The following KALRN variants were observed in gnomAD, a reference collection of about 807,000 sequenced individuals.
KALRN encodes the protein kalirin.
Under a neutral mutation model 353.7 loss-of-function variants are expected in KALRN, and 70 were observed. That is an observed-to-expected ratio of 0.20 (90% CI 0.16 to 0.24). The LOEUF (loss-of-function observed/expected upper bound fraction) is 0.24, where lower values mean the gene tolerates loss of function less well. Ranked by LOEUF, KALRN falls within the 10% of genes least tolerant of loss-of-function variation. The pLI is 1.00. For synonymous variants in KALRN, 1,391 were observed against 1,434.8 expected (o/e 0.97, Z 0.69); for missense variants, 2,791 against 3,756.7 (o/e 0.74, Z 6.72).
chr3:124,431,087 T>C (rs969009151), intron 16 of KALRN, among the ~76,000 whole-genome samples: 2 of 152,254 alleles, frequency 1.3e-5, no homozygotes. Context: ...ATATGTACCA[T>C]GTGAGGAAAT....
At chr3:124,304,499 G>T (rs140853960) in intron 6 of KALRN, among the ~76,000 whole-genome samples, 3 of 152,258 alleles carry the variant, frequency 2.0e-5, no homozygotes, top group African/African-American at 4.8e-5. Context: ...CTTTCTAAAA[G>T]AAAACATTAT....
At chr3:124,105,684 A>G (rs1055259633) in intron 1 of KALRN, among the ~76,000 whole-genome samples, 25 of 152,152 alleles carry the variant, frequency 1.6e-4, no homozygotes, top group African/African-American at 5.6e-4. Context: ...TTGTTTCAGC[A>G]CCTCAATGAG....
chr3:124,543,773 G>C (rs1399890078), intron 33 of KALRN, among the ~76,000 whole-genome samples: 1 of 151,950 alleles, frequency 6.6e-6, no homozygotes, highest in Non-Finnish European at 1.5e-5. Flanking sequence ...GTCTTCTCAG[G>C]ATAATATTGA....
intron 33 of KALRN, among the ~76,000 whole-genome samples, chr3:124,554,881 C>T (rs1176166718): frequency 6.6e-6 from 1 of 152,148 alleles, no homozygotes; most frequent in Non-Finnish European, 1.5e-5. Flanking sequence ...AGTATCTGTA[C>T]ATCTTTTGGT....
At chr3:124,094,519 A>G in intron 1 of KALRN, 1 of 380,930 alleles carries the variant, frequency 2.6e-6, no homozygotes, top group African/African-American at 2.0e-5. Flanking sequence ...TTTCATTCTC[A>G]AGACCACTGC....
intron 34 of KALRN, among the ~76,000 whole-genome samples, chr3:124,600,149 A>G: frequency 6.6e-6 from 1 of 152,248 alleles, no homozygotes; most frequent in Non-Finnish European, 1.5e-5. Flanking sequence ...CAGGGTGAGG[A>G]TAAGTGCAGT....
intron 13 of KALRN, among the ~76,000 whole-genome samples, chr3:124,400,929 A>G (rs1452340327): frequency 6.6e-6 from 1 of 152,058 alleles, no homozygotes; most frequent in Non-Finnish European, 1.5e-5. Context: ...GAGGGTTTGG[A>G]TTAAGTTTTA....
chr3:124,669,677 A>T (rs1317368102), intron 47 of KALRN, among the ~76,000 whole-genome samples: 6 of 152,150 alleles, frequency 3.9e-5, no homozygotes, highest in Non-Finnish European at 8.8e-5. Flanking sequence ...AATCATGGAG[A>T]TACAGTCAGC....
At chr3:124,207,056 A>C (rs900881719) in intron 1 of KALRN, among the ~76,000 whole-genome samples, 5 of 152,240 alleles carry the variant, frequency 3.3e-5, no homozygotes, top group Non-Finnish European at 7.3e-5. Context: ...CATGGGATCC[A>C]CTGGAACATC....
intron 55 of KALRN, among the ~76,000 whole-genome samples, chr3:124,699,345 C>T (rs569856406): frequency 5.0e-4 from 76 of 152,290 alleles, no homozygotes; most frequent in African/African-American, 1.7e-3. Context: ...GTAAGATTAG[C>T]GGTCTCTACC....
intron 13 of KALRN, among the ~76,000 whole-genome samples, chr3:124,412,356 C>A (rs1263772216): frequency 1.3e-5 from 2 of 152,196 alleles, no homozygotes; most frequent in African/African-American, 4.8e-5. Context: ...ATGGCCTGGG[C>A]CATCCTGGAA....
intron 34 of KALRN, among the ~76,000 whole-genome samples, chr3:124,607,685 C>A (rs1366192897): frequency 6.6e-6 from 1 of 152,070 alleles, no homozygotes; most frequent in South Asian, 2.1e-4. Flanking sequence ...GGCACAATCT[C>A]GGATCACTGC....
chr3:124,446,310 T>G, intron 20 of KALRN, 34 bp downstream of exon 20: 1 of 1,501,218 alleles, frequency 6.7e-7, no homozygotes, highest in East Asian at 2.3e-5. Flanking sequence ...CTATCTCAGT[T>G]CTGGGGAGCA....
intron 34 of KALRN, among the ~76,000 whole-genome samples, chr3:124,578,970 G>A (rs1398456069): frequency 6.6e-6 from 1 of 152,168 alleles, no homozygotes; most frequent in Non-Finnish European, 1.5e-5. Context: ...GGTCTCCTAT[G>A]AATCTCTAGG....
intron 34 of KALRN, among the ~76,000 whole-genome samples, chr3:124,586,316 A>C (rs1315066206): frequency 6.6e-6 from 1 of 152,232 alleles, no homozygotes. Flanking sequence ...CTTTCCCCGC[A>C]AAGAGTTTCT....
intron 1 of KALRN, among the ~76,000 whole-genome samples, chr3:124,202,164 T>A (rs369174549): frequency 1.1e-3 from 166 of 152,364 alleles, no homozygotes; most frequent in African/African-American, 3.7e-3. Context: ...GATTTGGAAA[T>A]TTTACATTAG....
intron 39 of KALRN, among the ~76,000 whole-genome samples, chr3:124,656,878 C>G (rs1426287829): frequency 6.6e-6 from 1 of 152,024 alleles, no homozygotes; most frequent in Non-Finnish European, 1.5e-5. Flanking sequence ...ATATGCAGTC[C>G]AGCCCAGGAG....
At chr3:124,247,455 T>TAA in intron 3 of KALRN, among the ~76,000 whole-genome samples, 1 of 151,928 alleles carries the variant, frequency 6.6e-6, no homozygotes, top group East Asian at 1.9e-4. Context: ...ACCTGCTATG[T>TAA]TGAAACTGGG....
chr3:124,644,085 G>C (rs1336904184), intron 37 of KALRN, among the ~76,000 whole-genome samples: 1 of 152,162 alleles, frequency 6.6e-6, no homozygotes, highest in African/African-American at 2.4e-5. Flanking sequence ...TCATGCTACA[G>C]ATTTGCTACT....
Sources: allele counts gnomAD v4.1 joint callset (sites outside exome capture counted in the v4.1 genomes callset), GRCh38; gene constraint gnomAD v4.1.1; transcripts MANE v1.5; gene names NCBI Gene and HGNC (gene_info 2026-07-23, HGNC 2026-07-21).